The following TRIM9 variants were observed in gnomAD, a reference collection of about 807,000 sequenced individuals.
TRIM9 encodes the protein E3 ubiquitin-protein ligase TRIM9.
A neutral mutation model predicts 78.3 loss-of-function variants in TRIM9; 26 were observed. The ratio of observed to expected loss-of-function variants is 0.33; its 90% CI spans 0.24 to 0.46. TRIM9 has a LOEUF of 0.46. TRIM9 is among the 20% of genes least tolerant of loss of function. The pLI is 1.00. For missense variants in TRIM9, 787 were observed against 1,036.4 expected (o/e 0.76, Z 3.30); for synonymous variants, 398 against 416.5 (o/e 0.96, Z 0.54).
rs558822324 is a variant in TRIM9 at position 50,986,913 on chromosome 14, A to G, written c.1604-769T>C. Among the ~76,000 whole-genome samples the G allele has an allele frequency of 2.0e-4, 31 of 152,348 alleles. 1 individual carries two copies. The South Asian group carries it at 6.4e-3, about 32-fold the overall frequency. ...AGTCAGGTTTGGCCTGAAGATAATT[A>G]TTATATCAGACTAAAGACTTAACAA... On this transcript the variant is annotated intron_variant, in intron 7 of 12. Transcript: ENST00000684578.
Position 51,094,108 on chromosome 14 carries a change from T to C in TRIM9, c.822+10A>G. The C allele has an allele frequency of 6.2e-7, 1 of 1,603,618 alleles. No individual in the cohort carries two copies. The highest frequency in any genetic ancestry group is 8.5e-7 in the Non-Finnish European group (1 of 1,172,112). On this transcript the variant is annotated intron_variant, in intron 1 of 12. Coordinates refer to ENST00000684578, the MANE Select transcript of TRIM9 (RefSeq NM_001387360.1). ...GCAGGGAGTTAGGAGTGGGTTTTCTTAGGACTCACCTTATGTAGTTTCCAC... is the reference window on the plus strand; with the variant it reads ...GCAGGGAGTTAGGAGTGGGTTTTCTCAGGACTCACCTTATGTAGTTTCCAC...
intron 4 of TRIM9, among the ~76,000 whole-genome samples, 179 bp downstream of exon 4, chr14:51,010,205 C>T (rs1394504988): frequency 3.3e-5 from 5 of 152,156 alleles, no homozygotes; most frequent in East Asian, 3.9e-4. Context: ...CAGAGACTTC[C>T]GGGAAGTCAG....
Position 51,022,893 on chromosome 14 carries a change from T to C in TRIM9, c.983A>G (p.Asn328Ser). 2 of 1,614,150 alleles carry C rather than the reference T, an allele frequency of 1.2e-6. No homozygotes were observed. Among genetic ancestry groups the C allele is most frequent in the Non-Finnish European group, 1.7e-6 (2 of 1,180,006 alleles). Residue 328 changes from asparagine (N) to serine (S), a missense_variant, in exon 3 of 13, where the codon AAC becomes AGC. This residue lies in a region of TRIM9 where 352 missense variants were observed against 472.3 expected (regional missense o/e 0.75). Transcript: ENST00000684578. ...AQCDALIDAL[N>S]RRKAQLLARV... ...GGCCAGCAGCTGGGCTTTTCTTCTG[T>C]TGAGGGCATCGATGAGGGCATCACA... is the stretch of plus-strand genomic sequence containing the variant.
rs565237452 is a variant in TRIM9, at chr14:50,988,674, C to A, written c.1604-2530G>T. Among the ~76,000 whole-genome samples the A allele has an allele frequency of 3.3e-5, 5 of 150,094 alleles. No homozygotes were observed. The East Asian group carries it at 9.8e-4, about 29-fold the overall frequency. On this transcript the variant is annotated intron_variant, in intron 7 of 12. Coordinates refer to ENST00000684578, the MANE Select transcript of TRIM9 (RefSeq NM_001387360.1). ...TTCTCTAAGTAGCTGTTAACAACAACAAAAAAATCCTACCTTGCAATGAGA... is the reference window on the plus strand; with the variant it reads ...TTCTCTAAGTAGCTGTTAACAACAAAAAAAAAATCCTACCTTGCAATGAGA...
intron 1 of TRIM9, among the ~76,000 whole-genome samples, chr14:51,026,557 C>G (rs1479357950): frequency 6.6e-6 from 1 of 152,098 alleles, no homozygotes; most frequent in East Asian, 1.9e-4. Flanking sequence ...CAAATTAAAG[C>G]CTATTCTCCT....
intron 1 of TRIM9, among the ~76,000 whole-genome samples, chr14:51,065,412 T>G (rs2140187655): frequency 6.6e-6 from 1 of 152,298 alleles, no homozygotes; most frequent in South Asian, 2.1e-4. Flanking sequence ...AATGGATGCT[T>G]AAGAGAGTCC....
intron 1 of TRIM9, among the ~76,000 whole-genome samples, chr14:51,093,700 C>T (rs911885589): frequency 1.3e-5 from 2 of 152,248 alleles, no homozygotes; most frequent in Admixed American, 6.5e-5. Context: ...CCGCCCCCAT[C>T]CCAGTCCCTC....
intron 1 of TRIM9, among the ~76,000 whole-genome samples, chr14:51,087,019 G>A (rs370491659): frequency 1.3e-5 from 2 of 152,096 alleles, no homozygotes; most frequent in Admixed American, 6.5e-5. Flanking sequence ...CAGCTGGGGT[G>A]GGGGGAGGTG....
At position 50,975,307 on chromosome 14, in the gene TRIM9, A is replaced by AT. The variant is rs1274354140; in HGVS notation, c.*1983dup. On this transcript the variant is annotated 3_prime_UTR_variant, in exon 13 of 13. Coordinates refer to ENST00000684578, the MANE Select transcript of TRIM9 (RefSeq NM_001387360.1). The stretch of plus-strand genomic sequence containing the variant: ...ATTTATTGGCACATCAGAAATGACA[A>AT]TTTTTTCTAGTATAGTAGTTGTATG... 1 of 152,636 alleles carries AT rather than the reference A, an allele frequency of 6.6e-6. No individual in the cohort carries two copies. The highest frequency in any genetic ancestry group is 1.5e-5 in the Non-Finnish European group (1 of 68,036). The allele number at this position is 152,636 out of a possible 1,614,324, so 9.5% of individuals were successfully genotyped here.
intron 9 of TRIM9, 140 bp downstream of exon 9, chr14:50,983,240 T>C (rs2052218471): frequency 4.0e-6 from 3 of 748,364 alleles, no homozygotes; most frequent in Non-Finnish European, 6.3e-6. Flanking sequence ...TTTTAAGAGT[T>C]TGAGAAACTG....
At chr14:51,077,386 G>GTTTTTTT (rs146912763) in intron 1 of TRIM9, among the ~76,000 whole-genome samples, 21 of 97,732 alleles carry the variant, frequency 2.1e-4, no homozygotes, top group South Asian at 4.6e-4. Context: ...CTCCAATTCT[G>GTTTTTTT]TTTTTTTTTT....
chr14:51,074,157 G>A (rs886687961), intron 1 of TRIM9, among the ~76,000 whole-genome samples: 3 of 152,132 alleles, frequency 2.0e-5, no homozygotes, highest in African/African-American at 7.2e-5. Flanking sequence ...GGTGGCTCAC[G>A]TCTGTAATCC....
chr14:51,059,810 A>C lies in TRIM9; in HGVS notation c.822+34308T>G, dbSNP rs1159109992. Among the ~76,000 whole-genome samples, 10 of 150,848 alleles carry C rather than the reference A, an allele frequency of 6.6e-5. No individual in the cohort carries two copies. In the South Asian group the frequency reaches 1.5e-3, roughly 22 times the overall value. ...GAGACTCTGTCTCAAAAAAAAAAAA[A>C]CAAAAAAAACACAAAAAAACAAAAA... On this transcript the variant is annotated intron_variant, in intron 1 of 12. Transcript: ENST00000684578.
chr14:50,979,413 C>CCTGA lies in TRIM9; in HGVS notation c.2298_2299insTCAG (p.Ala767SerfsTer106). Reference sequence around the variant, plus strand: ...TGCACGTTCCTGTTCAGGCTGACCGCAGGGAAGAAGAGGCCCTCCACGTTA... The same window carrying CCTGA: ...TGCACGTTCCTGTTCAGGCTGACCGCCTGAAGGGAAGAAGAGGCCCTCCACGTTA... On this transcript the variant is annotated frameshift_variant, in exon 12 of 13. Coordinates refer to ENST00000684578, the MANE Select transcript of TRIM9 (RefSeq NM_001387360.1). LOFTEE classifies it high-confidence loss of function. 1 of 1,614,196 alleles carries CCTGA rather than the reference C, an allele frequency of 6.2e-7. No homozygotes were observed. The highest frequency in any genetic ancestry group is 8.5e-7 in the Non-Finnish European group (1 of 1,180,040).
At chr14:51,025,826 G>A (rs2058178422) in intron 1 of TRIM9, among the ~76,000 whole-genome samples, 1 of 152,002 alleles carries the variant, frequency 6.6e-6, no homozygotes, top group Admixed American at 6.6e-5. Flanking sequence ...GATCCTCTGG[G>A]GCCACTTAAA....
At chr14:51,088,049 T>C (rs2140354513) in intron 1 of TRIM9, among the ~76,000 whole-genome samples, 1 of 152,346 alleles carries the variant, frequency 6.6e-6, no homozygotes, top group African/African-American at 2.4e-5. Flanking sequence ...TTATGTTAAT[T>C]ATTTTTACCT....
chr14:51,095,020 A>G lies in TRIM9; in HGVS notation c.-81T>C. On this transcript the variant is annotated 5_prime_UTR_variant, in exon 1 of 13. Coordinates refer to ENST00000684578, the MANE Select transcript of TRIM9 (RefSeq NM_001387360.1). Reference sequence around the variant, plus strand: ...GGTGGCCGACGGGCCCGTCTTGTCCAGCACCCTGGCCAGCGGCGGCGGCTG... The same window carrying G: ...GGTGGCCGACGGGCCCGTCTTGTCCGGCACCCTGGCCAGCGGCGGCGGCTG... 11 of 1,126,596 alleles carry G rather than the reference A, an allele frequency of 9.8e-6. No homozygotes were observed. The highest frequency in any genetic ancestry group is 1.3e-5 in the Non-Finnish European group (11 of 859,394). 69.8% of individuals were successfully genotyped at this position (1,126,596 alleles called of 1,614,324 possible).
chr14:50,983,453 AAAC>A (rs1450199082), intron 8 of TRIM9, 32 bp from the exon 9 acceptor site: 3 of 1,510,512 alleles, frequency 2.0e-6, no homozygotes, highest in Non-Finnish European at 1.8e-6. Flanking sequence ...CAACGCTATG[AAAC>A]AACAACCAGG....
chr14:51,071,300 C>T (rs1171957578), intron 1 of TRIM9, among the ~76,000 whole-genome samples: 3 of 147,300 alleles, frequency 2.0e-5, no homozygotes, highest in Admixed American at 6.9e-5. Flanking sequence ...TGCTTGAACC[C>T]GGGAGGTGGA....
Sources: allele counts gnomAD v4.1 joint callset (sites outside exome capture counted in the v4.1 genomes callset), GRCh38; gene constraint gnomAD v4.1.1; regional missense constraint gnomAD v4.1.1; transcripts MANE v1.5; gene names NCBI Gene and HGNC (gene_info 2026-07-23, HGNC 2026-07-21).